Variants in IGSF3 observed in about 807,000 individuals in gnomAD.
IGSF3 encodes the protein glu-Trp-Ile EWI motif-containing protein 3.
Under a neutral mutation model 114.4 loss-of-function variants are expected in IGSF3, and 23 were observed. That is an observed-to-expected ratio of 0.20 (90% CI 0.14 to 0.28). The LOEUF (loss-of-function observed/expected upper bound fraction) is 0.28. IGSF3 is among the 10% of genes least tolerant of loss of function. The probability of loss-of-function intolerance (pLI) is 1.00; values close to 1 mark genes in which losing one functional copy is unlikely to be tolerated. For missense variants in IGSF3, 1,172 were observed against 1,591.5 expected, an observed-to-expected ratio of 0.74 and a Z score of 4.48; for synonymous variants, 571 against 645.2, an observed-to-expected ratio of 0.88 and a Z score of 1.74.
rs1047592362 is a variant in IGSF3 at position 116,585,551 on chromosome 1, G to A, written c.2441-499C>T. Among the ~76,000 whole-genome samples the A allele has an allele frequency of 2.0e-5, 3 of 152,206 alleles. No homozygotes were observed. Among genetic ancestry groups the A allele is most frequent in the Non-Finnish European group, 2.9e-5 (2 of 68,038 alleles). ...TAATCTGTTCATGTGTTAGCCCTAC[G>A]AATTGTAGTCCAACATCCTTACAAA... On this transcript the variant is annotated intron_variant, in intron 8 of 10. Coordinates refer to ENST00000369486, the MANE Select transcript of IGSF3 (RefSeq NM_001007237.3). This position sits in a 1 kb window ranked among gnomAD's most constrained non-coding sequence, Gnocchi z 4.9.
In IGSF3 at chr1:116,647,247, C is replaced by T. The variant is rs1208619141; in HGVS notation, c.43+19037G>A. The stretch of plus-strand genomic sequence containing the variant: ...CCTTGACAGCGATGTCTGAGGCTGG[C>T]GTGAGTGCTCCATGCTCAGAGATAC... On this transcript the variant is annotated intron_variant, in intron 2 of 10. Transcript: ENST00000369486. This position sits in a 1 kb window ranked among gnomAD's most constrained non-coding sequence, Gnocchi z 4.6. 3.9e-5 allele frequency among the ~76,000 whole-genome samples: 6 copies of T among 152,226 alleles called. No individual in the cohort carries two copies. The highest frequency in any genetic ancestry group is 5.9e-5 in the Non-Finnish European group (4 of 68,044).
chr1:116,580,431 G>A (rs1026815774), intron 9 of IGSF3, among the ~76,000 whole-genome samples: 11 of 152,306 alleles, frequency 7.2e-5, no homozygotes, highest in Admixed American at 3.3e-4. Flanking sequence ...CATAACCCAC[G>A]ATGTGACTAC....
At chr1:116,622,210 C>G (rs1395258018) in intron 2 of IGSF3, among the ~76,000 whole-genome samples, 2 of 152,170 alleles carry the variant, frequency 1.3e-5, no homozygotes, top group East Asian at 1.9e-4. Context: ...CTGCATGCGA[C>G]TCAGCCACAC....
chr1:116,581,004 A>G (rs1210274036), intron 9 of IGSF3, among the ~76,000 whole-genome samples: 1 of 152,248 alleles, frequency 6.6e-6, no homozygotes, highest in Non-Finnish European at 1.5e-5. Context: ...TAAACAATCA[A>G]GTTTATACTA....
intron 2 of IGSF3, chr1:116,617,135 C>T (rs1245849976): frequency 4.0e-6 from 1 of 247,292 alleles, no homozygotes; most frequent in Non-Finnish European, 6.4e-6. Flanking sequence ...TTCCCACAAA[C>T]TGACAAAGGG....
intron 5 of IGSF3, among the ~76,000 whole-genome samples, chr1:116,606,081 G>C: frequency 6.6e-6 from 1 of 152,226 alleles, no homozygotes; most frequent in Non-Finnish European, 1.5e-5. Flanking sequence ...CCAGGCCTGA[G>C]AAAAGGCAGC....
In IGSF3 at chr1:116,593,888, G is replaced by A. The variant is rs1340659472; in HGVS notation, c.2030-4784C>T. On this transcript the variant is annotated intron_variant, in intron 7 of 10. Coordinates refer to ENST00000369486, the MANE Select transcript of IGSF3 (RefSeq NM_001007237.3). This position sits in a 1 kb window ranked among gnomAD's most constrained non-coding sequence, Gnocchi z 4.5. Reference sequence around the variant, plus strand: ...TCAATGGAATAAAGCCATTAAAGATGTAAAATTGTATCTGGGACAACTCCA... The same window carrying A: ...TCAATGGAATAAAGCCATTAAAGATATAAAATTGTATCTGGGACAACTCCA... 6.6e-6 allele frequency among the ~76,000 whole-genome samples: 1 copy of A among 152,212 alleles called. No homozygotes were observed. Among genetic ancestry groups the A allele is most frequent in the Admixed American group, 6.5e-5 (1 of 15,288 alleles).
At chr1:116,621,111 A>G (rs1661402587) in intron 2 of IGSF3, among the ~76,000 whole-genome samples, 1 of 151,928 alleles carries the variant, frequency 6.6e-6, no homozygotes, top group Admixed American at 6.6e-5. Context: ...TAATTGTTTA[A>G]AAGTGTGTGG....
rs116238864 is a variant in IGSF3, at chr1:116,598,739, C to A, written c.2029+1202G>T. 1.3e-5 allele frequency among the ~76,000 whole-genome samples: 2 copies of A among 152,074 alleles called. No homozygotes were observed. Reference sequence around the variant, plus strand: ...TGCCTGCACAGGTGTCTGTTCCAGCCGAGGCATGGGCTGGGCGAGGGAAGG... The same window carrying A: ...TGCCTGCACAGGTGTCTGTTCCAGCAGAGGCATGGGCTGGGCGAGGGAAGG... On this transcript the variant is annotated intron_variant, in intron 7 of 10. Coordinates refer to ENST00000369486, the MANE Select transcript of IGSF3 (RefSeq NM_001007237.3). The surrounding 1 kb of genome is among the most constrained non-coding windows in gnomAD (Gnocchi z 4.3).
chr1:116,643,165 G>A (rs572815761), intron 2 of IGSF3, among the ~76,000 whole-genome samples: 1 of 152,254 alleles, frequency 6.6e-6, no homozygotes, highest in South Asian at 2.1e-4. Context: ...AATAGTTCTG[G>A]AGTTGATCAT....
Position 116,605,742 on chromosome 1 carries a change from T to A in IGSF3, c.1223-1717A>T, listed in dbSNP as rs192538449. ...TATTCCTCTTTAGATTAAAGACTCATCCCCACTGTTATCAATTCAAAATAA... is the reference window on the plus strand; with the variant it reads ...TATTCCTCTTTAGATTAAAGACTCAACCCCACTGTTATCAATTCAAAATAA... On this transcript the variant is annotated intron_variant, in intron 5 of 10. Coordinates refer to ENST00000369486, the MANE Select transcript of IGSF3 (RefSeq NM_001007237.3). The surrounding 1 kb of genome is among the most constrained non-coding windows in gnomAD (Gnocchi z 5.1). Among the ~76,000 whole-genome samples the A allele has an allele frequency of 2.0e-5, 3 of 152,298 alleles. No individual in the cohort carries two copies. The East Asian group carries it at 5.8e-4, about 29-fold the overall frequency.
intron 7 of IGSF3, among the ~76,000 whole-genome samples, chr1:116,599,699 C>G (rs1037538486): frequency 2.6e-5 from 4 of 152,132 alleles, no homozygotes; most frequent in African/African-American, 9.7e-5. Context: ...GGCTCAAAAA[C>G]AACAACAAAC....
rs1292355335 is a variant in IGSF3, at chr1:116,588,676, C to T, written c.2440+18G>A. 1.2e-5 allele frequency: 18 copies of T among 1,545,766 alleles called. No individual in the cohort carries two copies. The highest frequency in any genetic ancestry group is 1.8e-5 in the Admixed American group (1 of 55,482). ...ACTAAACCCACTGGCCCAGGACAGC[C>T]GTGCCCTGCGGCCTTACCTGGCTGT... On this transcript the variant is annotated intron_variant, in intron 8 of 10. Transcript: ENST00000369486. The surrounding 1 kb of genome is among the most constrained non-coding windows in gnomAD (Gnocchi z 4.9).
intron 7 of IGSF3, 36 bp downstream of exon 7, chr1:116,599,905 G>A: frequency 1.9e-6 from 3 of 1,580,586 alleles, no homozygotes; most frequent in Non-Finnish European, 2.6e-6. Context: ...TGCTCAGGCA[G>A]CATGGGCACA....
chr1:116,588,401 C>G lies in IGSF3; in HGVS notation c.2440+293G>C, dbSNP rs1571123178. On this transcript the variant is annotated intron_variant, in intron 8 of 10. Transcript: ENST00000369486. This position sits in a 1 kb window ranked among gnomAD's most constrained non-coding sequence, Gnocchi z 4.9. The stretch of plus-strand genomic sequence containing the variant: ...AGAAGATTCAGGAGCTGCCATGAAC[C>G]CTGCCTTGCCACATTTTGCTAACCA... Among the ~76,000 whole-genome samples the G allele has an allele frequency of 6.6e-6, 1 of 152,150 alleles. No individual in the cohort carries two copies. The highest frequency in any genetic ancestry group is 2.1e-4 in the South Asian group (1 of 4,820).
chr1:116,622,792 C>G (rs1661462940), intron 2 of IGSF3, among the ~76,000 whole-genome samples: 1 of 152,246 alleles, frequency 6.6e-6, no homozygotes, highest in Non-Finnish European at 1.5e-5. Flanking sequence ...GTTAAGTAAA[C>G]TTCTCATGAC....
chr1:116,667,527 ACTCCCCGCTCCCCGCTCCCCGCTCCACGC>A (rs1282440886), intron 1 of IGSF3, 62 bp downstream of exon 1: 1 of 144,798 alleles, frequency 6.9e-6, no homozygotes, highest in African/African-American at 2.6e-5. Context: ...CCCGCTCCCC[ACTCCCCGCTCCCCGCTCCCCGCTCCACGC>A]CTCCCCGCCT....
In IGSF3 at chr1:116,594,590, C is replaced by T. The variant is rs1660262409; in HGVS notation, c.2029+5351G>A. ...AATATTATTCCCAATTTTATAAAGA[C>T]ACTTGCCCAAGGTCACACAGCTGGC... On this transcript the variant is annotated intron_variant, in intron 7 of 10. Coordinates refer to ENST00000369486, the MANE Select transcript of IGSF3 (RefSeq NM_001007237.3). The surrounding 1 kb of genome is among the most constrained non-coding windows in gnomAD (Gnocchi z 5.2). Among the ~76,000 whole-genome samples, 3 of 152,196 alleles carry T rather than the reference C, an allele frequency of 2.0e-5. No homozygotes were observed. The South Asian group carries it at 6.2e-4, about 32-fold the overall frequency.
At chr1:116,604,684 C>A (rs1297857526) in intron 5 of IGSF3, among the ~76,000 whole-genome samples, 1 of 152,180 alleles carries the variant, frequency 6.6e-6, no homozygotes. Context: ...CGTCATCCAC[C>A]ACTCTCCCGC....
Sources: allele counts gnomAD v4.1 joint callset (sites outside exome capture counted in the v4.1 genomes callset), GRCh38; gene constraint gnomAD v4.1.1; non-coding constraint Gnocchi (gnomAD v3.1); transcripts MANE v1.5; gene names NCBI Gene and HGNC (gene_info 2026-07-23, HGNC 2026-07-21).